The following SNTG2 variants were observed in gnomAD, a reference collection of about 807,000 sequenced individuals.
The protein encoded by SNTG2 is syntrophin gamma 2, also known as gamma-2-syntrophin.
SNTG2 carries 74 observed loss-of-function variants against 70.9 expected under a neutral mutation model. The observed-to-expected ratio is 1.04, with a 90% CI of 0.86 to 1.27. The LOEUF is 1.27. Among genes scored for constraint, SNTG2 ranks in the 50% most tolerant of loss-of-function variants. The pLI is 0.00. For missense variants in SNTG2, 717 were observed against 690.7 expected (o/e 1.04, Z -0.43); for synonymous variants, 278 against 273.8 (o/e 1.02, Z -0.15).
chr2:1,328,223 T>A (rs1681838280), intron 16 of SNTG2, among the ~76,000 whole-genome samples: 1 of 152,142 alleles, frequency 6.6e-6, no homozygotes, highest in South Asian at 2.1e-4. Flanking sequence ...GACAATTCCA[T>A]GTGAGATTTG....
At chr2:1,092,136 C>CT (rs1184586374) in intron 2 of SNTG2, among the ~76,000 whole-genome samples, 2 of 152,132 alleles carry the variant, frequency 1.3e-5, no homozygotes, top group African/African-American at 4.8e-5. Flanking sequence ...AAATAAAACT[C>CT]TATGAGTATT....
chr2:1,269,896 C>T (rs1382116194), intron 14 of SNTG2, among the ~76,000 whole-genome samples: 3 of 152,154 alleles, frequency 2.0e-5, no homozygotes, highest in Admixed American at 6.5e-5. Context: ...CATCCATCCA[C>T]GTTTCTGCAG....
chr2:966,480 A>G (rs1660573724), intron 1 of SNTG2, among the ~76,000 whole-genome samples: 1 of 152,062 alleles, frequency 6.6e-6, no homozygotes, highest in Non-Finnish European at 1.5e-5. Context: ...TGTTCCTTTC[A>G]TCTTTATCTG....
chr2:1,087,549 G>A (rs1486150893), intron 2 of SNTG2, among the ~76,000 whole-genome samples: 1 of 152,080 alleles, frequency 6.6e-6, no homozygotes, highest in Non-Finnish European at 1.5e-5. Flanking sequence ...AGACCATGGT[G>A]TTTTCTTCTG....
intron 6 of SNTG2, among the ~76,000 whole-genome samples, chr2:1,142,128 AG>A (rs1668795876): frequency 6.6e-6 from 1 of 152,230 alleles, no homozygotes; most frequent in South Asian, 2.1e-4. Flanking sequence ...TTGAGAGCCC[AG>A]GCCTCTTTAC....
At chr2:966,095 C>T (rs1022382552) in intron 1 of SNTG2, among the ~76,000 whole-genome samples, 3 of 152,216 alleles carry the variant, frequency 2.0e-5, no homozygotes, top group Non-Finnish European at 2.9e-5. Flanking sequence ...TGCTTCACAG[C>T]GAGTCCTGCC....
chr2:1,225,572 C>T (rs1290978247), intron 9 of SNTG2, among the ~76,000 whole-genome samples: 1 of 152,084 alleles, frequency 6.6e-6, no homozygotes, highest in African/African-American at 2.4e-5. Context: ...CTGTAAAGTC[C>T]GTAGCTTACG....
At chr2:1,196,341 T>A (rs1672906989) in intron 8 of SNTG2, among the ~76,000 whole-genome samples, 1 of 151,398 alleles carries the variant, frequency 6.6e-6, no homozygotes, top group African/African-American at 2.4e-5. Flanking sequence ...AAAGAAAAAA[T>A]AAAAAAGAAT....
intron 4 of SNTG2, among the ~76,000 whole-genome samples, chr2:1,121,868 C>G (rs951831692): frequency 2.0e-5 from 3 of 152,032 alleles, no homozygotes; most frequent in Non-Finnish European, 4.4e-5. Flanking sequence ...GAACACAAAG[C>G]CTAACCATAT....
At chr2:1,181,869 C>G (rs1036139569) in intron 8 of SNTG2, among the ~76,000 whole-genome samples, 32 of 152,086 alleles carry the variant, frequency 2.1e-4, no homozygotes, top group African/African-American at 7.5e-4. Context: ...TATACTATGC[C>G]ATTTTTGTCT....
chr2:1,246,370 A>T (rs1677427891), intron 11 of SNTG2, among the ~76,000 whole-genome samples: 1 of 152,162 alleles, frequency 6.6e-6, no homozygotes, highest in East Asian at 1.9e-4. Flanking sequence ...TATCAAGTAA[A>T]TATCAGAAAC....
At chr2:1,143,621 C>A (rs1250380557) in intron 6 of SNTG2, among the ~76,000 whole-genome samples, 1 of 151,240 alleles carries the variant, frequency 6.6e-6, no homozygotes, top group Non-Finnish European at 1.5e-5. Context: ...GTAATCCCAG[C>A]AACTTTGGGA....
chr2:990,538 C>T (rs940439347), intron 1 of SNTG2, among the ~76,000 whole-genome samples: 4 of 152,198 alleles, frequency 2.6e-5, no homozygotes, highest in Admixed American at 2.0e-4. Flanking sequence ...TGAGGAGGCT[C>T]AACCTCCATG....
intron 4 of SNTG2, among the ~76,000 whole-genome samples, chr2:1,105,124 G>A (rs1666030538): frequency 6.6e-6 from 1 of 152,184 alleles, no homozygotes; most frequent in Admixed American, 6.5e-5. Flanking sequence ...GGGGAATGCA[G>A]GGGTTCCATT....
chr2:1,209,717 A>G (rs1435141039), intron 9 of SNTG2, among the ~76,000 whole-genome samples: 2 of 152,224 alleles, frequency 1.3e-5, no homozygotes, highest in Admixed American at 1.3e-4. Context: ...AGATGTAACT[A>G]TAAAAGTTGA....
intron 1 of SNTG2, among the ~76,000 whole-genome samples, chr2:1,050,293 T>C (rs1187571655): frequency 1.3e-5 from 2 of 152,198 alleles, no homozygotes; most frequent in African/African-American, 4.8e-5. Flanking sequence ...ATTAGTTTCA[T>C]TTGTTTTCTT....
chr2:1,016,710 C>G (rs1318169447), intron 1 of SNTG2, among the ~76,000 whole-genome samples: 7 of 152,164 alleles, frequency 4.6e-5, no homozygotes, highest in Non-Finnish European at 1.0e-4. Flanking sequence ...TGGAGCTATG[C>G]GTATTCACGG....
intron 8 of SNTG2, among the ~76,000 whole-genome samples, chr2:1,187,183 A>G (rs1359277391): frequency 6.6e-6 from 1 of 152,266 alleles, no homozygotes; most frequent in African/African-American, 2.4e-5. Flanking sequence ...TTACAAATTC[A>G]GAAAGAACAA....
chr2:1,363,055 G>A (rs1573036042), intron 16 of SNTG2, among the ~76,000 whole-genome samples: 1 of 152,126 alleles, frequency 6.6e-6, no homozygotes, highest in East Asian at 1.9e-4. Flanking sequence ...CCGATGCTGA[G>A]CATTTCCATA....
Sources: gnomAD v4.1 joint callset for allele counts (sites outside exome capture counted in the v4.1 genomes callset) on GRCh38, gnomAD v4.1.1 for gene constraint, MANE v1.5 for transcripts, NCBI Gene and HGNC (gene_info 2026-07-23, HGNC 2026-07-21) for gene names.